Variants in NCAM2 observed in about 807,000 individuals in gnomAD.
The protein encoded by NCAM2 is N-CAM-2.
NCAM2 carries 30 observed loss-of-function variants against 98.1 expected under a neutral mutation model. The ratio of observed to expected loss-of-function variants is 0.31; its 90% confidence interval spans 0.23 to 0.41. The LOEUF is 0.41. Ranked by LOEUF, NCAM2 falls within the 10% of genes least tolerant of loss-of-function variation. The probability of loss-of-function intolerance (pLI) is 1.00; values close to 1 mark genes in which losing one functional copy is unlikely to be tolerated. For synonymous variants in NCAM2, 368 were observed against 342.4 expected, an observed-to-expected ratio of 1.07 and a Z score of -0.83; for missense variants, 867 against 1,005.8, an observed-to-expected ratio of 0.86 and a Z score of 1.87.
intron 10 of NCAM2, among the ~76,000 whole-genome samples, chr21:21,414,471 G>GT (rs1167313170): frequency 2.8e-5 from 2 of 72,326 alleles, no homozygotes; most frequent in Admixed American, 1.4e-4. Context: ...TTTTTGTTGT[G>GT]TGTTTTTTTT....
intron 1 of NCAM2, among the ~76,000 whole-genome samples, chr21:21,103,157 A>G (rs1297011216): frequency 6.6e-6 from 1 of 152,084 alleles, no homozygotes; most frequent in African/African-American, 2.4e-5. Flanking sequence ...AACAGCTATT[A>G]TTGGGGGTGA....
intron 1 of NCAM2, among the ~76,000 whole-genome samples, chr21:21,186,373 A>G (rs1349486568): frequency 6.6e-6 from 1 of 152,150 alleles, no homozygotes; most frequent in Non-Finnish European, 1.5e-5. Context: ...GTTCAAGTCA[A>G]CAAAATAAAA....
intron 3 of NCAM2, among the ~76,000 whole-genome samples, chr21:21,285,184 A>G (rs1235979963): frequency 6.6e-6 from 1 of 151,920 alleles, no homozygotes; most frequent in Non-Finnish European, 1.5e-5. Flanking sequence ...ACTTACAACA[A>G]TGCCTTACGA....
chr21:21,275,921 T>C (rs911550073), intron 1 of NCAM2, among the ~76,000 whole-genome samples: 2 of 152,148 alleles, frequency 1.3e-5, no homozygotes, highest in African/African-American at 4.8e-5. Context: ...TTGTTTCTGA[T>C]ATTCTCCTGA....
chr21:21,242,253 C>CATA lies in NCAM2; in HGVS notation c.56-38323_56-38322insAAT, dbSNP rs1555837969. On this transcript the variant is annotated intron_variant, in intron 1 of 17. Coordinates refer to ENST00000400546, the MANE Select transcript of NCAM2 (RefSeq NM_004540.5). ...AATTGTATATATTTATGTGATACAA[C>CATA]ATGCTTTGATATATGTGTACATAGT... is the stretch of plus-strand genomic sequence containing the variant. Among the ~76,000 whole-genome samples the CATA allele has an allele frequency of 8.5e-5, 13 of 152,286 alleles. No homozygotes were observed. The South Asian group carries it at 1.2e-3, about 15-fold the overall frequency.
chr21:21,165,685 A>T (rs1406264504), intron 1 of NCAM2, among the ~76,000 whole-genome samples: 1 of 152,150 alleles, frequency 6.6e-6, no homozygotes, highest in Non-Finnish European at 1.5e-5. Flanking sequence ...TAAAACTATC[A>T]TATTTTCCTG....
At chr21:21,330,730 A>G (rs1318016205) in intron 6 of NCAM2, among the ~76,000 whole-genome samples, 1 of 151,972 alleles carries the variant, frequency 6.6e-6, no homozygotes, top group African/African-American at 2.4e-5. Flanking sequence ...CTCTAGTATT[A>G]TATGTTTAAA....
chr21:21,480,366 C>CAAAAA (rs59203448), intron 15 of NCAM2, among the ~76,000 whole-genome samples: 14 of 69,916 alleles, frequency 2.0e-4, no homozygotes, highest in African/African-American at 4.8e-4. Flanking sequence ...GACTCCATCT[C>CAAAAA]AAAAAAAAAA....
chr21:21,504,798 A>AT (rs1403420796), intron 15 of NCAM2, among the ~76,000 whole-genome samples: 231 of 151,592 alleles, frequency 1.5e-3, no homozygotes, highest in Non-Finnish European at 3.2e-4. Context: ...TTCAATTTTA[A>AT]TTTTTTTTCA....
chr21:21,531,807 C>T (rs1366687152), intron 16 of NCAM2, among the ~76,000 whole-genome samples: 9 of 147,394 alleles, frequency 6.1e-5, no homozygotes, highest in South Asian at 2.1e-4. Context: ...GGTGAAACCC[C>T]GTCTCTACTA....
chr21:21,175,652 G>T (rs2068262357), intron 1 of NCAM2, among the ~76,000 whole-genome samples: 1 of 152,208 alleles, frequency 6.6e-6, no homozygotes. Context: ...AACCGTTAAG[G>T]GTTTAGTTGT....
chr21:21,521,483 G>T (rs572396403), intron 16 of NCAM2, among the ~76,000 whole-genome samples: 2 of 152,162 alleles, frequency 1.3e-5, no homozygotes, highest in Non-Finnish European at 2.9e-5. Context: ...GGAATTATCA[G>T]ACTAGGAATT....
At chr21:21,044,035 T>TTGTG (rs61626238) in intron 1 of NCAM2, among the ~76,000 whole-genome samples, 15,911 of 150,018 alleles carry the variant, frequency 0.11, 1,043 homozygotes, top group Middle Eastern at 0.14. Flanking sequence ...TTTGAAGACT[T>TTGTG]TGTGTGTGTG....
intron 15 of NCAM2, among the ~76,000 whole-genome samples, chr21:21,498,521 T>C (rs545866708): frequency 1.4e-3 from 211 of 152,278 alleles, no homozygotes; most frequent in Non-Finnish European, 2.4e-3. Flanking sequence ...CAGCTCTCAT[T>C]CAATTATTTC....
At position 21,366,574 on chromosome 21, in the gene NCAM2, T is replaced by C. The variant is rs528903517; in HGVS notation, c.1045-7289T>C. On this transcript the variant is annotated intron_variant, in intron 8 of 17. Transcript: ENST00000400546. ...AATACAAAAGTCTGTAGGTCTCTTT[T>C]AAGTATGCTATAGCAGCATGCTCTA... Among the ~76,000 whole-genome samples, 370 of 152,182 alleles carry C rather than the reference T, an allele frequency of 2.4e-3. 1 individual carries two copies. The highest frequency in any genetic ancestry group is 0.014 in the South Asian group (68 of 4,828).
chr21:21,322,945 C>A (rs939929866), intron 5 of NCAM2, among the ~76,000 whole-genome samples: 5 of 152,232 alleles, frequency 3.3e-5, no homozygotes, highest in South Asian at 4.1e-4. Context: ...CTATACATCC[C>A]CATGTTCCTT....
intron 1 of NCAM2, chr21:21,147,054 C>CTATCTTCTACTCCGGAACTCATACCCTT (rs1380044653): frequency 1.8e-6 from 1 of 553,974 alleles, no homozygotes; most frequent in East Asian, 1.6e-4. Flanking sequence ...ACTCATACGG[C>CTATCTTCTACTCCGGAACTCATACCCTT]TGCCTTCTAC....
At chr21:21,046,046 A>G (rs2065002301) in intron 1 of NCAM2, among the ~76,000 whole-genome samples, 1 of 152,190 alleles carries the variant, frequency 6.6e-6, no homozygotes, top group South Asian at 2.1e-4. Flanking sequence ...CTTGCCTAGT[A>G]AAAGGCTTAT....
chr21:21,502,027 T>C (rs980426209), intron 15 of NCAM2, among the ~76,000 whole-genome samples: 8 of 151,970 alleles, frequency 5.3e-5, no homozygotes, highest in African/African-American at 1.7e-4. Flanking sequence ...GAAACATTTC[T>C]ACTGACTAAA....
Sources: gnomAD v4.1 joint callset for allele counts (sites outside exome capture counted in the v4.1 genomes callset) on GRCh38, gnomAD v4.1.1 for gene constraint, MANE v1.5 for transcripts, NCBI Gene and HGNC (gene_info 2026-07-23, HGNC 2026-07-21) for gene names.